The following SIRPB2 variants were observed in gnomAD, a reference collection of about 807,000 sequenced individuals.
SIRPB2 encodes the protein signal regulatory protein beta 2, also known as signal-regulatory protein beta-2.
In SIRPB2, 18 loss-of-function variants were observed where a neutral mutation model predicts 27.1. That is an observed-to-expected ratio of 0.66 (90% CI 0.46 to 0.98). The LOEUF (loss-of-function observed/expected upper bound fraction) is 0.98. SIRPB2 is among the 50% of genes least tolerant of loss of function. The probability of loss-of-function intolerance (pLI) is 0.00; values close to 1 mark genes in which losing one functional copy is unlikely to be tolerated. For missense variants in SIRPB2, 420 were observed against 417.4 expected, an observed-to-expected ratio of 1.01 and a Z score of -0.06; for synonymous variants, 150 against 164.6, an observed-to-expected ratio of 0.91 and a Z score of 0.68.
At position 1,478,493 on chromosome 20, in the gene SIRPB2, C is replaced by T. The variant is rs375759094; in HGVS notation, c.566G>A (p.Gly189Glu). Residue 189 changes from glycine to glutamate, a missense_variant, in exon 3 of 5, where the codon GGA becomes GAA. Coordinates refer to ENST00000359801, the MANE Select transcript of SIRPB2 (RefSeq NM_001122962.2). ...NCTVLGDGPP[G>E]PIRWFQGAGL... ...AGCTCCCTGGAACCACCTGATGGGT[C>T]CAGGGGGACCGTCTCCAAGCACTGT... 11 of 1,614,004 alleles carry T rather than the reference C, an allele frequency of 6.8e-6. No individual in the cohort carries two copies. The African/African-American group carries it at 1.3e-4, about 20-fold the overall frequency.
At chr20:1,474,533 A>C (rs182918731), downstream of SIRPB2, 1 of 152,440 alleles carries the variant, frequency 6.6e-6, no homozygotes, top group East Asian at 1.9e-4. Context: ...TGCAGTGCAC[A>C]CAGCACATAG....
At chr20:1,486,942 T>C (rs1401576591) in intron 1 of SIRPB2, among the ~76,000 whole-genome samples, 1 of 152,204 alleles carries the variant, frequency 6.6e-6, no homozygotes, top group Non-Finnish European at 1.5e-5. Flanking sequence ...TGCCTGTTTT[T>C]ACTATTTCTA....
Position 1,480,158 on chromosome 20 carries a change from G to C in SIRPB2, c.86-93C>G, listed in dbSNP as rs538379576. ...AACAATCAAACCATTATCTGGCCAAGAACAATGGCCCAGGATAAGACAGGA... is the reference window on the plus strand; with the variant it reads ...AACAATCAAACCATTATCTGGCCAACAACAATGGCCCAGGATAAGACAGGA... On this transcript the variant is annotated intron_variant, in intron 1 of 4. Coordinates refer to ENST00000359801, the MANE Select transcript of SIRPB2 (RefSeq NM_001122962.2). The C allele has an allele frequency of 8.0e-5, 116 of 1,447,584 alleles. No homozygotes were observed. In the South Asian group the frequency reaches 1.6e-3, roughly 20 times the overall value. The allele number at this position is 1,447,584 out of a possible 1,614,324, so 89.7% of individuals were successfully genotyped here. A position where few individuals can be genotyped will look rare whatever the true frequency, so the allele number is the denominator to read the frequency against.
intron 3 of SIRPB2, among the ~76,000 whole-genome samples, 182 bp from the exon 4 acceptor site, chr20:1,477,585 T>C (rs761639157): frequency 8.5e-5 from 13 of 152,246 alleles, no homozygotes; most frequent in Non-Finnish European, 2.9e-5. Context: ...GTTTAGGGTA[T>C]GGACCTGTCT....
Position 1,480,049 on chromosome 20 carries a change from G to C in SIRPB2, c.102C>G (p.Ser34Arg), listed in dbSNP as rs372437115. Reference sequence around the variant, plus strand: ...GTAGCACCTGCCAGTCATTCCTGCTGCTCTGCCCAGAGGCATCTACAAAAG... The same window carrying C: ...GTAGCACCTGCCAGTCATTCCTGCTCCTCTGCCCAGAGGCATCTACAAAAG... ...VLVPSDASGQ[S>R]SRNDWQVLQP... Residue 34 changes from serine to arginine, a missense_variant, in exon 2 of 5, where the codon AGC (serine) becomes AGG (arginine). Ser to Arg is a moderately radical substitution (Grantham distance 110). Coordinates refer to ENST00000359801, the MANE Select transcript of SIRPB2 (RefSeq NM_001122962.2). The C allele has an allele frequency of 3.1e-6, 5 of 1,612,194 alleles. No homozygotes were observed. Among genetic ancestry groups the C allele is most frequent in the Non-Finnish European group, 4.2e-6 (5 of 1,179,426 alleles).
chr20:1,477,425 T>C lies in SIRPB2; in HGVS notation c.794-22A>G, dbSNP rs118042184. 305 of 1,601,236 alleles carry C rather than the reference T, an allele frequency of 1.9e-4. 1 individual carries two copies. The highest frequency in any genetic ancestry group is 3.7e-4 in the Admixed American group (22 of 58,842). On this transcript the variant is annotated intron_variant, in intron 3 of 4. Transcript: ENST00000359801. Reference sequence around the variant, plus strand: ...TTTGCTGCAAGGGAGAGAGGCTTTGTCATACTTCCCTTTATCTTTATCTCC... The same window carrying C: ...TTTGCTGCAAGGGAGAGAGGCTTTGCCATACTTCCCTTTATCTTTATCTCC...
rs1321687186 is a variant in SIRPB2 at position 1,475,482 on chromosome 20, T to G, written c.*685A>C. 2 of 152,216 alleles carry G rather than the reference T, an allele frequency of 1.3e-5. No individual in the cohort carries two copies. The highest frequency in any genetic ancestry group is 6.5e-5 in the Admixed American group (1 of 15,276). The allele number at this position is 152,216 out of a possible 1,614,324, so 9.4% of individuals were successfully genotyped here. ...GTGCACTTAAAGGGGAGGGTCCTGC[T>G]CCCCTTTCCTGCCCTCTTTTCCAGT... On this transcript the variant is annotated 3_prime_UTR_variant, in exon 5 of 5. Transcript: ENST00000359801.
chr20:1,479,682 G>T lies in SIRPB2; in HGVS notation c.451+18C>A, dbSNP rs1216271803. The T allele has an allele frequency of 6.2e-7, 1 of 1,610,940 alleles. No individual in the cohort carries two copies. The highest frequency in any genetic ancestry group is 8.5e-7 in the Non-Finnish European group (1 of 1,178,064). On this transcript the variant is annotated intron_variant, in intron 2 of 4. Transcript: ENST00000359801. ...ACAGACTGGAGCAAATGTGTGGTCTGCAGGGCCTGATCCTTACCCTTCACA... is the reference window on the plus strand; with the variant it reads ...ACAGACTGGAGCAAATGTGTGGTCTTCAGGGCCTGATCCTTACCCTTCACA...
At chr20:1,476,957 A>T in intron 4 of SIRPB2, 1 of 1,202,082 alleles carries the variant, frequency 8.3e-7, no homozygotes, top group East Asian at 5.6e-5. Flanking sequence ...TACCAGACTC[A>T]AGGGGCGAGA....
chr20:1,482,071 T>TAA (rs754868263), intron 1 of SIRPB2, among the ~76,000 whole-genome samples: 7 of 151,452 alleles, frequency 4.6e-5, no homozygotes, highest in African/African-American at 1.7e-4. Flanking sequence ...CAAACTGATT[T>TAA]TAAAAAAAAA....
chr20:1,488,188 T>C (rs766752059), intron 1 of SIRPB2, among the ~76,000 whole-genome samples: 6 of 152,200 alleles, frequency 3.9e-5, no homozygotes, highest in Non-Finnish European at 5.9e-5. Flanking sequence ...TTGCAAAGCA[T>C]ATATCTGGCA....
intron 1 of SIRPB2, among the ~76,000 whole-genome samples, chr20:1,480,849 C>A (rs1429794983): frequency 6.6e-6 from 1 of 152,226 alleles, no homozygotes; most frequent in Non-Finnish European, 1.5e-5. Context: ...CCCTCTCAAC[C>A]TGTTTCTGGA....
intron 1 of SIRPB2, among the ~76,000 whole-genome samples, chr20:1,488,164 T>C (rs1368227983): frequency 1.3e-5 from 2 of 152,014 alleles, no homozygotes; most frequent in Non-Finnish European, 2.9e-5. Context: ...AGTCACAGAG[T>C]AGGAGAAAAA....
intron 4 of SIRPB2, 118 bp from the exon 5 acceptor site, chr20:1,476,454 T>C: frequency 9.2e-7 from 1 of 1,084,994 alleles, no homozygotes; most frequent in Non-Finnish European, 1.3e-6. Context: ...TGGAGCTGTA[T>C]CCTTTCTACA....
rs2090594749 is a variant in SIRPB2, at chr20:1,474,896, C to A, written c.*1271G>T. On this transcript the variant is annotated 3_prime_UTR_variant, in exon 5 of 5. Transcript: ENST00000359801. The stretch of plus-strand genomic sequence containing the variant: ...GTCTTGAATTGGTTCTTACACAATG[C>A]AGAGAAGTCCACATTAGTATCCTGG... The A allele has an allele frequency of 6.6e-6, 1 of 152,212 alleles. No individual in the cohort carries two copies. The highest frequency in any genetic ancestry group is 6.5e-5 in the Admixed American group (1 of 15,276). 9.4% of individuals were successfully genotyped at this position (152,212 alleles called of 1,614,324 possible). A position where few individuals can be genotyped will look rare whatever the true frequency, so the allele number is the denominator to read the frequency against.
In SIRPB2 at chr20:1,478,715, C is replaced by T. The variant is rs183198255; in HGVS notation, c.452-108G>A. 9 of 898,572 alleles carry T rather than the reference C, an allele frequency of 1.0e-5. No individual in the cohort carries two copies. The Admixed American group carries it at 1.8e-4, about 17-fold the overall frequency. The allele number at this position is 898,572 out of a possible 1,614,324, so 55.7% of individuals were successfully genotyped here. ...TTCCTTCTTTCCAGATTTCTTCACT[C>T]AGCCACTCCTTCCTGCTTTCTTTAT... On this transcript the variant is annotated intron_variant, in intron 2 of 4. Transcript: ENST00000359801.
chr20:1,486,713 C>T (rs543992525), intron 1 of SIRPB2, among the ~76,000 whole-genome samples: 2 of 152,126 alleles, frequency 1.3e-5, no homozygotes, highest in African/African-American at 4.8e-5. Context: ...CACACACACA[C>T]GCATATACAT....
rs775991278 is a variant in SIRPB2 at position 1,476,281 on chromosome 20, AGCCAAGGTAATT to A, written c.903_914del (p.Ile302_Ala305del). The stretch of plus-strand genomic sequence containing the variant: ...AGGTAGCCAGGGCCAGTAGGAGTGC[AGCCAAGGTAATT>A]GCCTTCAGCCCCAGGACCACAGGTG... On this transcript the variant is annotated inframe_deletion, in exon 5 of 5. Transcript: ENST00000359801. 10 of 1,613,912 alleles carry A rather than the reference AGCCAAGGTAATT, an allele frequency of 6.2e-6. No individual in the cohort carries two copies. In the Admixed American group the frequency reaches 1.7e-4, roughly 27 times the overall value.
rs572937080 is a variant in SIRPB2, at chr20:1,485,317, C to T, written c.86-5252G>A. Among the ~76,000 whole-genome samples the T allele has an allele frequency of 2.0e-5, 3 of 152,170 alleles. No homozygotes were observed. In the East Asian group the frequency reaches 5.8e-4, roughly 29 times the overall value. ...CCTAAATACTTTGACTCATTTATTA[C>T]ACATCCTATGCATGGAACAAAGTAT... On this transcript the variant is annotated intron_variant, in intron 1 of 4. Coordinates refer to ENST00000359801, the MANE Select transcript of SIRPB2 (RefSeq NM_001122962.2).
Sources: gnomAD v4.1 joint callset for allele counts (sites outside exome capture counted in the v4.1 genomes callset) on GRCh38, gnomAD v4.1.1 for gene constraint, MANE v1.5 for transcripts, NCBI Gene and HGNC (gene_info 2026-07-23, HGNC 2026-07-21) for gene names.